Variants in DLGAP1 observed in about 807,000 individuals in gnomAD.
DLGAP1 encodes the protein DLG associated protein 1, also known as disks large-associated protein 1.
In DLGAP1, 11 loss-of-function variants were observed where a neutral mutation model predicts 90.8. The ratio of observed to expected loss-of-function variants is 0.12; its 90% confidence interval spans 0.08 to 0.20. The LOEUF is 0.20. DLGAP1 is among the 10% of genes least tolerant of loss of function. The pLI, the probability that DLGAP1 is intolerant of heterozygous loss-of-function variation, is 1.00. For synonymous variants in DLGAP1, 558 were observed against 540.7 expected (o/e 1.03, Z -0.44); for missense variants, 1,050 against 1,333.8 (o/e 0.79, Z 3.31).
At chr18:3,925,943 A>G (rs772352375) in intron 3 of DLGAP1, among the ~76,000 whole-genome samples, 5 of 152,166 alleles carry the variant, frequency 3.3e-5, no homozygotes, top group Non-Finnish European at 5.9e-5. Flanking sequence ...TTTCCTGTTG[A>G]GGTATGGGAC....
chr18:3,590,873 TA>T lies in DLGAP1; in HGVS notation c.1592-8626del, dbSNP rs796735160. Among the ~76,000 whole-genome samples, 176 of 142,304 alleles carry T rather than the reference TA, an allele frequency of 1.2e-3. 1 individual carries two copies. The highest frequency in any genetic ancestry group is 0.01 in the Admixed American group (148 of 14,126). 93.4% of individuals were successfully genotyped at this position (142,304 alleles called of 152,430 possible). A position where few individuals can be genotyped will look rare whatever the true frequency, so the allele number is the denominator to read the frequency against. ...TGGGCAACAAGAATGAAACCCCGTC[TA>T]AAAAAAAAAACAAAGAAAATTGAAT... is the stretch of plus-strand genomic sequence containing the variant. On this transcript the variant is annotated intron_variant, in intron 7 of 12. Coordinates refer to ENST00000315677, the MANE Select transcript of DLGAP1 (RefSeq NM_004746.4).
chr18:4,079,492 C>A (rs1387877966), intron 2 of DLGAP1, among the ~76,000 whole-genome samples: 3 of 151,936 alleles, frequency 2.0e-5, no homozygotes, highest in Admixed American at 2.0e-4. Flanking sequence ...TATGGGTACA[C>A]AAAGGCATAG....
chr18:3,692,506 T>C (rs1415018163), intron 7 of DLGAP1, among the ~76,000 whole-genome samples: 1 of 152,174 alleles, frequency 6.6e-6, no homozygotes, highest in African/African-American at 2.4e-5. Flanking sequence ...TACAGCAGGA[T>C]GGGGAGGCAT....
intron 3 of DLGAP1, among the ~76,000 whole-genome samples, chr18:3,928,767 C>T (rs1568304752): frequency 6.6e-6 from 1 of 152,278 alleles, no homozygotes; most frequent in African/African-American, 2.4e-5. Flanking sequence ...ATCCACTATG[C>T]CGAATTCATA....
chr18:3,547,575 A>G (rs753998631), intron 9 of DLGAP1, among the ~76,000 whole-genome samples: 144 of 135,220 alleles, frequency 1.1e-3, no homozygotes, highest in Admixed American at 1.8e-3. Flanking sequence ...ATGCCACTTC[A>G]TACCCAATAG....
At chr18:4,102,776 A>G (rs1254444325) in intron 2 of DLGAP1, among the ~76,000 whole-genome samples, 1 of 152,242 alleles carries the variant, frequency 6.6e-6, no homozygotes, top group East Asian at 1.9e-4. Context: ...AAATATCTAC[A>G]CATACTTGAA....
At chr18:3,724,091 G>A (rs1183420546) in intron 7 of DLGAP1, among the ~76,000 whole-genome samples, 1 of 152,200 alleles carries the variant, frequency 6.6e-6, no homozygotes. Flanking sequence ...TTGGGATGTT[G>A]AGGTGGGAGG....
At chr18:3,596,675 G>A (rs2056594121) in intron 7 of DLGAP1, 9 of 361,784 alleles carry the variant, frequency 2.5e-5, no homozygotes, top group South Asian at 1.9e-4. Context: ...CGTGGCTCAC[G>A]GTACTAGTGT....
At chr18:4,300,622 A>G (rs1386641319) in intron 1 of DLGAP1, among the ~76,000 whole-genome samples, 1 of 152,002 alleles carries the variant, frequency 6.6e-6, no homozygotes, top group Non-Finnish European at 1.5e-5. Context: ...ATTACTGATC[A>G]CCCCTCTTTC....
intron 1 of DLGAP1, among the ~76,000 whole-genome samples, chr18:4,311,029 A>T (rs1479115640): frequency 6.6e-6 from 1 of 152,200 alleles, no homozygotes; most frequent in East Asian, 1.9e-4. Context: ...TTGCATGTAA[A>T]GGATGCTGAC....
intron 9 of DLGAP1, among the ~76,000 whole-genome samples, chr18:3,538,325 G>A (rs191999331): frequency 2.2e-4 from 32 of 148,438 alleles, no homozygotes; most frequent in Non-Finnish European, 3.7e-4. Flanking sequence ...CAATTCTGAT[G>A]AAGTTATCCA....
At chr18:4,326,398 G>A (rs2080819178) in intron 1 of DLGAP1, among the ~76,000 whole-genome samples, 1 of 152,070 alleles carries the variant, frequency 6.6e-6, no homozygotes, top group Admixed American at 6.6e-5. Flanking sequence ...CCCAAGGAGT[G>A]TAAATTAGTT....
chr18:3,767,694 C>T (rs1040928599), intron 5 of DLGAP1, among the ~76,000 whole-genome samples: 1 of 151,948 alleles, frequency 6.6e-6, no homozygotes, highest in African/African-American at 2.4e-5. Context: ...TCAACTGATG[C>T]AGAAAATGCA....
intron 1 of DLGAP1, among the ~76,000 whole-genome samples, chr18:4,432,866 A>G (rs551779563): frequency 6.6e-6 from 1 of 152,300 alleles, no homozygotes; most frequent in South Asian, 2.1e-4. Flanking sequence ...ACTTGAATTC[A>G]GTTCTCCCAA....
chr18:4,251,228 C>T (rs1483293753), intron 1 of DLGAP1, among the ~76,000 whole-genome samples: 1 of 152,188 alleles, frequency 6.6e-6, no homozygotes, highest in Admixed American at 6.5e-5. Flanking sequence ...TTAAAATCCT[C>T]TTAGACATAA....
chr18:4,393,482 T>G (rs901415619), intron 1 of DLGAP1, among the ~76,000 whole-genome samples: 6 of 152,222 alleles, frequency 3.9e-5, no homozygotes, highest in African/African-American at 9.6e-5. Flanking sequence ...TTGGGTCCCA[T>G]GTCAAATGGT....
intron 7 of DLGAP1, among the ~76,000 whole-genome samples, chr18:3,707,831 A>C (rs1005338925): frequency 4.6e-5 from 7 of 152,116 alleles, no homozygotes; most frequent in African/African-American, 1.7e-4. Flanking sequence ...ACAGGAATAA[A>C]GTTCTTCTAA....
chr18:3,607,329 T>C (rs1231119761), intron 7 of DLGAP1: 1 of 152,136 alleles, frequency 6.6e-6, no homozygotes, highest in East Asian at 1.9e-4. Flanking sequence ...GATAATATTT[T>C]ATATTTTTTG....
intron 1 of DLGAP1, among the ~76,000 whole-genome samples, chr18:4,324,845 A>G (rs891604557): frequency 3.3e-5 from 5 of 152,182 alleles, no homozygotes; most frequent in Non-Finnish European, 7.4e-5. Context: ...TCAATAAACT[A>G]GGCACTGAAG....
Sources: gnomAD v4.1 joint callset for allele counts (sites outside exome capture counted in the v4.1 genomes callset) on GRCh38, gnomAD v4.1.1 for gene constraint, MANE v1.5 for transcripts, NCBI Gene and HGNC (gene_info 2026-07-23, HGNC 2026-07-21) for gene names.